BAZ2B: variants seen among roughly 807,000 people sequenced by gnomAD.
The protein encoded by BAZ2B is bromodomain adjacent to zinc finger domain 2B.
In BAZ2B, 91 loss-of-function variants were observed where a neutral mutation model predicts 246.0. That is an observed-to-expected ratio of 0.37 (90% CI 0.31 to 0.44). BAZ2B has a LOEUF of 0.44. Among genes scored for constraint, BAZ2B ranks in the 20% least tolerant of loss-of-function variants. The probability of loss-of-function intolerance (pLI) is 1.00; values close to 1 mark genes in which losing one functional copy is unlikely to be tolerated. For missense variants in BAZ2B, 2,332 were observed against 2,533.7 expected, an observed-to-expected ratio of 0.92 and a Z score of 1.71; for synonymous variants, 855 against 860.0, an observed-to-expected ratio of 0.99 and a Z score of 0.10.
At chr2:159,473,145 T>C (rs1284494680) in intron 3 of BAZ2B, among the ~76,000 whole-genome samples, 1 of 152,188 alleles carries the variant, frequency 6.6e-6, no homozygotes, top group Non-Finnish European at 1.5e-5. Flanking sequence ...GACTATTAGT[T>C]ACTGGCTCCT....
At chr2:159,453,893 T>C (rs1038561337) in intron 3 of BAZ2B, 92 bp from the exon 4 acceptor site, 5 of 1,108,720 alleles carry the variant, frequency 4.5e-6, no homozygotes, top group Non-Finnish European at 5.9e-6. Context: ...TTTATAATAA[T>C]TTACCTATTA....
intron 6 of BAZ2B, among the ~76,000 whole-genome samples, chr2:159,440,516 T>G (rs79844194): frequency 0.39 from 47,503 of 122,348 alleles, 9,423 homozygotes; most frequent in Non-Finnish European, 0.52. Context: ...CAATGACTCT[T>G]GTTTTTTTTT....
At chr2:159,439,497 T>C (rs1413533445) in intron 6 of BAZ2B, among the ~76,000 whole-genome samples, 2 of 152,238 alleles carry the variant, frequency 1.3e-5, no homozygotes, top group Non-Finnish European at 2.9e-5. Context: ...TCAAAATGTA[T>C]GACAGATTAA....
chr2:159,334,232 G>A (rs1558986349), intron 33 of BAZ2B, among the ~76,000 whole-genome samples: 1 of 151,980 alleles, frequency 6.6e-6, no homozygotes, highest in Non-Finnish European at 1.5e-5. Flanking sequence ...TTAAAGAAAG[G>A]GTGACAGATA....
At chr2:159,457,600 C>T (rs992356716) in intron 3 of BAZ2B, among the ~76,000 whole-genome samples, 1 of 152,182 alleles carries the variant, frequency 6.6e-6, no homozygotes, top group African/African-American at 2.4e-5. Context: ...CCCTTTATTC[C>T]TCCTTGATTC....
At chr2:159,701,197 T>C in the BAZ2B span, among the ~76,000 whole-genome samples, 2 of 152,218 alleles carry the variant, frequency 1.3e-5, no homozygotes, top group East Asian at 3.8e-4. Context: ...ATGTCTCTAG[T>C]GTCTGAGTCA....
chr2:159,348,910 T>G, intron 29 of BAZ2B, 77 bp from the exon 30 acceptor site: 1 of 1,537,426 alleles, frequency 6.5e-7, no homozygotes. Flanking sequence ...AAAAGATTTA[T>G]TAACTATATA....
Position 159,438,699 on chromosome 2 carries a change from G to C in BAZ2B, c.901-4C>G. On this transcript the variant is annotated splice_region_variant and splice_polypyrimidine_tract_variant and intron_variant, in intron 7 of 36. Coordinates refer to ENST00000392783, the MANE Select transcript of BAZ2B (RefSeq NM_013450.4). ...CTGAAATACCATGTAATAGCACCTA[G>C]ATATAAAAATGAAAAGGTAAGTTCC... 6.4e-7 allele frequency: 1 copy of C among 1,568,944 alleles called. No individual in the cohort carries two copies.
At chr2:159,316,322 G>T (rs1256214932), downstream of BAZ2B, among the ~76,000 whole-genome samples, 1 of 152,148 alleles carries the variant, frequency 6.6e-6, no homozygotes, top group Admixed American at 6.5e-5. Flanking sequence ...AAGAGATCTT[G>T]TTGAAGCAAG....
chr2:159,438,816 C>T (rs1348201914), intron 7 of BAZ2B, 121 bp from the exon 8 acceptor site: 1 of 1,284,986 alleles, frequency 7.8e-7, no homozygotes, highest in African/African-American at 1.5e-5. Flanking sequence ...ATGATAATAT[C>T]TAAAAATCTA....
chr2:159,444,516 A>G (rs2073954827), intron 6 of BAZ2B: 1 of 152,240 alleles, frequency 6.6e-6, no homozygotes, highest in African/African-American at 2.4e-5. Flanking sequence ...TATGCTCAGC[A>G]AAAGAAAATA....
intron 25 of BAZ2B, among the ~76,000 whole-genome samples, chr2:159,376,044 A>G (rs1224834130): frequency 6.6e-6 from 1 of 152,212 alleles, no homozygotes; most frequent in Non-Finnish European, 1.5e-5. Context: ...CAGAAGAACT[A>G]TCTCCAAATT....
At chr2:159,399,372 T>C (rs924453006) in intron 17 of BAZ2B, among the ~76,000 whole-genome samples, 5 of 152,082 alleles carry the variant, frequency 3.3e-5, no homozygotes, top group African/African-American at 4.8e-5. Flanking sequence ...TTTTTAATAC[T>C]TGAAAATTTG....
chr2:159,519,205 A>ATTTTTTTTTT (rs2083771094), intron 2 of BAZ2B, among the ~76,000 whole-genome samples: 1 of 56,490 alleles, frequency 1.8e-5, no homozygotes, highest in African/African-American at 6.5e-5. Flanking sequence ...TTCATATTCT[A>ATTTTTTTTTT]TTTTCTTTTT....
chr2:159,612,786 G>C (rs1323361974), intron 1 of BAZ2B, among the ~76,000 whole-genome samples: 1 of 152,138 alleles, frequency 6.6e-6, no homozygotes, highest in Non-Finnish European at 1.5e-5. Context: ...TGATGCATCA[G>C]AAGGAACAGT....
At chr2:159,667,557 C>T in the BAZ2B span, among the ~76,000 whole-genome samples, 1 of 151,774 alleles carries the variant, frequency 6.6e-6, no homozygotes, top group Non-Finnish European at 1.5e-5. Context: ...GATTGTGCCA[C>T]TGCACTGCAG....
the BAZ2B span, among the ~76,000 whole-genome samples, chr2:159,666,797 G>C: frequency 1.3e-5 from 2 of 152,132 alleles, no homozygotes; most frequent in African/African-American, 4.8e-5. Flanking sequence ...GGAGGTTGCA[G>C]TGAGCCAAGA....
At chr2:159,445,408 C>A (rs1446925318) in intron 6 of BAZ2B, among the ~76,000 whole-genome samples, 1 of 152,016 alleles carries the variant, frequency 6.6e-6, no homozygotes, top group Non-Finnish European at 1.5e-5. Context: ...ATAAAGATAA[C>A]CTTTGAAAAG....
rs998388180 is a variant in BAZ2B at position 159,583,989 on chromosome 2, G to A, written c.-45-28124C>T. On this transcript the variant is annotated intron_variant, in intron 1 of 36. Transcript: ENST00000392783. ...AGCTGGCCCAGAGTGAAGAAGAAGT[G>A]TATTAAGAAATAGGGGAGAGGTAAA... Among the ~76,000 whole-genome samples, 5 of 152,162 alleles carry A rather than the reference G, an allele frequency of 3.3e-5. No homozygotes were observed. In the East Asian group the frequency reaches 9.6e-4, roughly 29 times the overall value.
Sources: allele counts gnomAD v4.1 joint callset (sites outside exome capture counted in the v4.1 genomes callset), GRCh38; gene constraint gnomAD v4.1.1; transcripts MANE v1.5; gene names NCBI Gene and HGNC (gene_info 2026-07-23, HGNC 2026-07-21).